Variants in SNAPC3 observed in about 807,000 individuals in gnomAD.
SNAPC3 encodes small nuclear RNA activating complex polypeptide 3.
In SNAPC3, 56 loss-of-function variants were observed where a neutral mutation model predicts 47.7. The ratio of observed to expected loss-of-function variants is 1.18; its 90% CI spans 0.95 to 1.47. SNAPC3 has a LOEUF of 1.47. Among genes scored for constraint, SNAPC3 ranks in the 40% most tolerant of loss-of-function variants. The pLI is 0.00. For synonymous variants in SNAPC3, 235 were observed against 189.9 expected (o/e 1.24, Z -1.95); for missense variants, 665 against 511.3 (o/e 1.30, Z -2.90).
At chr9:15,427,969 G>T (rs2031646159) in intron 2 of SNAPC3, among the ~76,000 whole-genome samples, 1 of 151,892 alleles carries the variant, frequency 6.6e-6, no homozygotes, top group Non-Finnish European at 1.5e-5. Flanking sequence ...ACATTAGCTG[G>T]GCGTGGTGGC....
At chr9:15,445,568 AAT>A (rs57156346) in intron 4 of SNAPC3, among the ~76,000 whole-genome samples, 106,949 of 151,838 alleles carry the variant, frequency 0.7, 39,813 homozygotes, top group Admixed American at 0.82. Flanking sequence ...TTGAAATATT[AAT>A]ATATATATAA....
intron 3 of SNAPC3, among the ~76,000 whole-genome samples, chr9:15,442,148 G>GAC: frequency 1.3e-5 from 2 of 150,558 alleles, no homozygotes; most frequent in South Asian, 4.2e-4. Context: ...CGGCTGGCTG[G>GAC]GTGGGGGCTG....
intron 3 of SNAPC3, among the ~76,000 whole-genome samples, chr9:15,441,480 G>A (rs1422803621): frequency 3.4e-5 from 5 of 148,968 alleles, no homozygotes; most frequent in Non-Finnish European, 7.4e-5. Flanking sequence ...ATAGTGGAGG[G>A]AAGGTCAGCA....
intron 8 of SNAPC3, among the ~76,000 whole-genome samples, chr9:15,458,503 C>A (rs1281989659): frequency 2.0e-5 from 3 of 152,194 alleles, no homozygotes; most frequent in African/African-American, 7.2e-5. Flanking sequence ...CATGTTCTTT[C>A]TGCCTCTTGT....
intron 7 of SNAPC3, among the ~76,000 whole-genome samples, chr9:15,454,646 T>G (rs1290411260): frequency 1.3e-5 from 2 of 152,100 alleles, no homozygotes; most frequent in Admixed American, 6.5e-5. Context: ...CACTGAAAAT[T>G]AAGCAAATGG....
chr9:15,447,380 C>G (rs1373747657), intron 5 of SNAPC3, 136 bp downstream of exon 5: 1 of 741,782 alleles, frequency 1.3e-6, no homozygotes, highest in African/African-American at 1.7e-5. Context: ...CTATCTCATT[C>G]CTTCCCTTTA....
chr9:15,463,505 G>A (rs1282775258), downstream of SNAPC3: 1 of 136,214 alleles, frequency 7.3e-6, no homozygotes, highest in Non-Finnish European at 1.7e-5. Flanking sequence ...GGGTGGGGTG[G>A]GGTGGGGTGG....
Position 15,459,794 on chromosome 9 carries a change from C to G in SNAPC3, c.1164C>G (p.His388Gln). The G allele has an allele frequency of 6.2e-7, 1 of 1,613,220 alleles. No homozygotes were observed. Among genetic ancestry groups the G allele is most frequent in the Non-Finnish European group, 8.5e-7 (1 of 1,179,432 alleles). Residue 388 changes from histidine (H) to glutamine (Q), a missense_variant, in exon 9 of 9, where the codon CAC becomes CAG. Physicochemically the swap from His to Gln is conservative, Grantham distance 24. Coordinates refer to ENST00000380821, the MANE Select transcript of SNAPC3 (RefSeq NM_001039697.2). ...GTGATGTTTGCTTCCGAATGCTGCA[C>G]TATGATTCAGAAGGCAACAAACTGG... ...FFCDVCFRML[H>Q]YDSEGNKLGE...
intron 3 of SNAPC3, among the ~76,000 whole-genome samples, chr9:15,440,948 C>CAAAAAAA (rs1199527486): frequency 5.5e-4 from 67 of 121,598 alleles, no homozygotes; most frequent in African/African-American, 2.1e-3. Context: ...GACTCCGTCT[C>CAAAAAAA]AAAAAAAAAA....
At chr9:15,430,177 T>C (rs2031954387) in intron 2 of SNAPC3, among the ~76,000 whole-genome samples, 1 of 152,226 alleles carries the variant, frequency 6.6e-6, no homozygotes, top group Non-Finnish European at 1.5e-5. Flanking sequence ...ATGCCTGTAC[T>C]CTCAACACTT....
intron 3 of SNAPC3, among the ~76,000 whole-genome samples, chr9:15,443,028 A>T (rs955521545): frequency 1.3e-5 from 2 of 152,206 alleles, no homozygotes; most frequent in Non-Finnish European, 2.9e-5. Context: ...AAAACCAGTC[A>T]GGCGTGGCGG....
intron 3 of SNAPC3, among the ~76,000 whole-genome samples, chr9:15,440,968 T>A (rs1449408090): frequency 8.7e-6 from 1 of 115,088 alleles, no homozygotes; most frequent in Non-Finnish European, 1.9e-5. Flanking sequence ...AAAAAAAAAA[T>A]TGGTCAGTCA....
chr9:15,438,819 A>G (rs2033059654), intron 3 of SNAPC3, among the ~76,000 whole-genome samples: 1 of 152,084 alleles, frequency 6.6e-6, no homozygotes, highest in Non-Finnish European at 1.5e-5. Flanking sequence ...ACCTGTATTC[A>G]GCTGTTGTTT....
intron 1 of SNAPC3, 75 bp downstream of exon 1, chr9:15,423,268 A>C: frequency 7.1e-7 from 1 of 1,403,538 alleles, no homozygotes; most frequent in Non-Finnish European, 9.4e-7. Context: ...CTCCTCTGGG[A>C]CTCATCCCTG....
chr9:15,440,693 T>C (rs917238984), intron 3 of SNAPC3, among the ~76,000 whole-genome samples: 16 of 152,188 alleles, frequency 1.1e-4, no homozygotes, highest in African/African-American at 3.4e-4. Context: ...CTCACGCCTG[T>C]AATCCCAGCA....
intron 3 of SNAPC3, among the ~76,000 whole-genome samples, chr9:15,438,904 A>C (rs79848839): frequency 1.3e-5 from 2 of 152,008 alleles, no homozygotes; most frequent in African/African-American, 2.4e-5. Context: ...TTGATCTTCT[A>C]TCTAGTTGTT....
intron 5 of SNAPC3, among the ~76,000 whole-genome samples, chr9:15,449,069 T>TA (rs1387066703): frequency 6.6e-6 from 1 of 152,058 alleles, no homozygotes; most frequent in Non-Finnish European, 1.5e-5. Context: ...CTCAGCCTCC[T>TA]AAAGTGCTGG....
At chr9:15,465,033 A>G, downstream of SNAPC3, 1 of 222,070 alleles carries the variant, frequency 4.5e-6, no homozygotes, top group Non-Finnish European at 9.0e-6. Flanking sequence ...GGGAGTGAGT[A>G]CTTGTATAGA....
At chr9:15,442,575 G>T (rs879004668) in intron 3 of SNAPC3, among the ~76,000 whole-genome samples, 2 of 151,372 alleles carry the variant, frequency 1.3e-5, no homozygotes, top group East Asian at 3.9e-4. Flanking sequence ...CCCAGACGGG[G>T]CGGCGGGGCA....
Sources: allele counts gnomAD v4.1 joint callset (sites outside exome capture counted in the v4.1 genomes callset), GRCh38; gene constraint gnomAD v4.1.1; transcripts MANE v1.5; gene names NCBI Gene and HGNC (gene_info 2026-07-23, HGNC 2026-07-21).